The following LRRTM3 variants were observed in gnomAD, a reference collection of about 807,000 sequenced individuals.
LRRTM3 encodes leucine-rich repeat transmembrane neuronal protein 3.
LRRTM3 carries 24 observed loss-of-function variants against 44.7 expected under a neutral mutation model. That is an observed-to-expected ratio of 0.54 (90% confidence interval 0.39 to 0.76). The LOEUF is 0.76. LRRTM3 is among the 30% of genes least tolerant of loss of function. The pLI, the probability that LRRTM3 is intolerant of heterozygous loss-of-function variation, is 0.00. For missense variants in LRRTM3, 587 were observed against 702.2 expected, an observed-to-expected ratio of 0.84 and a Z score of 1.85; for synonymous variants, 277 against 278.7, an observed-to-expected ratio of 0.99 and a Z score of 0.06.
intron 2 of LRRTM3, among the ~76,000 whole-genome samples, chr10:66,960,795 G>A (rs1434300078): frequency 6.6e-6 from 1 of 152,098 alleles, no homozygotes; most frequent in African/African-American, 2.4e-5. Context: ...ATTCCACTTT[G>A]TGACTGCCCT....
chr10:67,080,547 T>C (rs1203586942), intron 2 of LRRTM3, among the ~76,000 whole-genome samples: 2 of 152,210 alleles, frequency 1.3e-5, no homozygotes, highest in African/African-American at 4.8e-5. Flanking sequence ...ATCATTCCTA[T>C]GCTTAAGCTT....
intron 2 of LRRTM3, among the ~76,000 whole-genome samples, chr10:66,967,976 A>G (rs1292828249): frequency 6.6e-6 from 1 of 152,102 alleles, no homozygotes; most frequent in East Asian, 1.9e-4. Context: ...TTTAACAGCT[A>G]CTGAATTGGA....
chr10:66,953,347 A>G (rs922801563), intron 2 of LRRTM3, among the ~76,000 whole-genome samples: 6 of 152,220 alleles, frequency 3.9e-5, no homozygotes, highest in African/African-American at 1.4e-4. Context: ...AATCTTCCCT[A>G]GTAAATGCTC....
intron 2 of LRRTM3, among the ~76,000 whole-genome samples, chr10:67,018,009 T>G (rs1345749711): frequency 1.3e-5 from 2 of 152,118 alleles, no homozygotes; most frequent in African/African-American, 2.4e-5. Context: ...TGACCTCAAG[T>G]GATCTGCCCA....
chr10:67,030,078 TAGA>T lies in LRRTM3; in HGVS notation c.1537-67506_1537-67504del, dbSNP rs967000996. On this transcript the variant is annotated intron_variant, in intron 2 of 2. Transcript: ENST00000361320. Reference sequence around the variant, plus strand: ...AAAAAACAATCTTGTAATAATCATATAGAAGGTGTATTTTAATCATCAAAATAA... The same window carrying T: ...AAAAAACAATCTTGTAATAATCATATAGGTGTATTTTAATCATCAAAATAA... Among the ~76,000 whole-genome samples, 51 of 152,362 alleles carry T rather than the reference TAGA, an allele frequency of 3.3e-4. 1 individual carries two copies. Among genetic ancestry groups the T allele is most frequent in the African/African-American group, 1.2e-3 (49 of 41,582 alleles).
chr10:67,049,861 C>T (rs1304529520), intron 2 of LRRTM3, among the ~76,000 whole-genome samples: 1 of 152,152 alleles, frequency 6.6e-6, no homozygotes, highest in Non-Finnish European at 1.5e-5. Context: ...TATATACACA[C>T]ACATTTTGTA....
rs149705667 is a variant in LRRTM3 at position 67,032,882 on chromosome 10, A to C, written c.1537-64705A>C. On this transcript the variant is annotated intron_variant, in intron 2 of 2. Transcript: ENST00000361320. The stretch of plus-strand genomic sequence containing the variant: ...TTTCAGCTGTATATTAAAACAACTA[A>C]GGTTTTGGTACTGCATAATGACATT... Among the ~76,000 whole-genome samples the C allele has an allele frequency of 2.6e-3, 393 of 152,318 alleles. 2 individuals carry two copies. The highest frequency in any genetic ancestry group is 8.7e-3 in the African/African-American group (361 of 41,574).
At chr10:66,961,371 C>T (rs1465344610) in intron 2 of LRRTM3, among the ~76,000 whole-genome samples, 2 of 152,168 alleles carry the variant, frequency 1.3e-5, no homozygotes, top group Non-Finnish European at 2.9e-5. Flanking sequence ...CTCCATCCTC[C>T]TCTTACTTGA....
At chr10:67,061,626 G>A (rs575490264) in intron 2 of LRRTM3, among the ~76,000 whole-genome samples, 8 of 152,176 alleles carry the variant, frequency 5.3e-5, no homozygotes, top group Non-Finnish European at 1.2e-4. Flanking sequence ...AGAAGAGAAA[G>A]GATGTTCCAC....
chr10:67,067,256 C>T (rs2394323), intron 2 of LRRTM3, among the ~76,000 whole-genome samples: 48,894 of 151,914 alleles, frequency 0.32, 8,400 homozygotes, highest in Middle Eastern at 0.48. Context: ...TTTGTCTGTT[C>T]GTATTAGAAT....
chr10:66,970,481 C>T (rs1339575257), intron 2 of LRRTM3, among the ~76,000 whole-genome samples: 1 of 136,648 alleles, frequency 7.3e-6, no homozygotes, highest in Non-Finnish European at 1.6e-5. Flanking sequence ...AAATACTCCA[C>T]AAAAGGTCTA....
intron 2 of LRRTM3, among the ~76,000 whole-genome samples, chr10:67,057,027 C>T (rs1483064174): frequency 6.6e-6 from 1 of 152,160 alleles, no homozygotes; most frequent in Non-Finnish European, 1.5e-5. Context: ...TCATTAAGCA[C>T]TACATCAGCA....
At chr10:67,071,870 A>T (rs1469144294) in intron 2 of LRRTM3, among the ~76,000 whole-genome samples, 3 of 152,140 alleles carry the variant, frequency 2.0e-5, no homozygotes, top group Non-Finnish European at 4.4e-5. Flanking sequence ...CCAATTTATC[A>T]TATGTCCCTA....
chr10:66,966,476 A>C (rs972844174), intron 2 of LRRTM3, among the ~76,000 whole-genome samples: 1 of 98,116 alleles, frequency 1.0e-5, no homozygotes, highest in Non-Finnish European at 2.4e-5. Context: ...TAACTCGGCT[A>C]TGTAATATAT....
intron 2 of LRRTM3, among the ~76,000 whole-genome samples, chr10:67,047,340 T>G (rs1455606531): frequency 6.6e-6 from 1 of 152,106 alleles, no homozygotes; most frequent in African/African-American, 2.4e-5. Context: ...CCTGTGCCCC[T>G]AGGAGGAGAC....
intron 2 of LRRTM3, among the ~76,000 whole-genome samples, chr10:67,071,503 G>GT (rs755653014): frequency 0.018 from 2,007 of 108,780 alleles, 49 homozygotes; most frequent in African/African-American, 0.071. Context: ...GCTCTTTAAA[G>GT]TTTTTTTTGT....
At chr10:66,937,548 C>G (rs1287125610) in intron 2 of LRRTM3, among the ~76,000 whole-genome samples, 2 of 152,100 alleles carry the variant, frequency 1.3e-5, no homozygotes, top group African/African-American at 4.8e-5. Flanking sequence ...TCCTGGTGGA[C>G]TTTCCGGAAA....
chr10:66,988,084 A>G (rs1028905989), intron 2 of LRRTM3, among the ~76,000 whole-genome samples: 10 of 152,190 alleles, frequency 6.6e-5, no homozygotes, highest in Non-Finnish European at 2.9e-5. Context: ...CAGAGACTGT[A>G]TAGTATCATG....
chr10:67,086,319 A>G (rs1174271503), intron 2 of LRRTM3, among the ~76,000 whole-genome samples: 1 of 152,068 alleles, frequency 6.6e-6, no homozygotes, highest in East Asian at 1.9e-4. Context: ...GCAGATGCAT[A>G]CAGAATATCA....
Sources: allele counts gnomAD v4.1 joint callset (sites outside exome capture counted in the v4.1 genomes callset), GRCh38; gene constraint gnomAD v4.1.1; transcripts MANE v1.5; gene names NCBI Gene and HGNC (gene_info 2026-07-23, HGNC 2026-07-21).